Variants in STX17 observed in about 807,000 individuals in gnomAD.
STX17 encodes syntaxin 17.
Under a neutral mutation model 35.9 loss-of-function variants are expected in STX17, and 29 were observed. The observed-to-expected ratio is 0.81, with a 90% CI of 0.60 to 1.10. The LOEUF is 1.10. Among genes scored for constraint, STX17 ranks in the 50% least tolerant of loss-of-function variants. STX17 has a pLI of 0.00. For synonymous variants in STX17, 92 were observed against 118.3 expected, an observed-to-expected ratio of 0.78 and a Z score of 1.44; for missense variants, 312 against 352.3, an observed-to-expected ratio of 0.89 and a Z score of 0.92.
intron 1 of STX17, among the ~76,000 whole-genome samples, chr9:99,910,906 C>T (rs1010674344): frequency 6.6e-6 from 1 of 152,128 alleles, no homozygotes; most frequent in Non-Finnish European, 1.5e-5. Flanking sequence ...AAATGGAGGT[C>T]TCATTATATT....
intron 3 of STX17, among the ~76,000 whole-genome samples, chr9:99,932,146 GC>G (rs1829138930): frequency 6.6e-6 from 1 of 152,224 alleles, no homozygotes; most frequent in Non-Finnish European, 1.5e-5. Flanking sequence ...AGGCTTTTTA[GC>G]CCTGTACCTG....
chr9:99,950,134 A>G (rs1852863), intron 3 of STX17, among the ~76,000 whole-genome samples: 105,643 of 151,762 alleles, frequency 0.7, 37,072 homozygotes, highest in African/African-American at 0.75. Flanking sequence ...GTAAATTTAT[A>G]ACTAAGCCAG....
intron 1 of STX17, among the ~76,000 whole-genome samples, chr9:99,911,965 G>A (rs137915617): frequency 4.6e-5 from 7 of 152,282 alleles, no homozygotes; most frequent in South Asian, 2.1e-4. Flanking sequence ...CGTGGCTCAC[G>A]CCTGTAATCC....
At chr9:99,942,129 C>CCAAT in intron 3 of STX17, among the ~76,000 whole-genome samples, 1 of 152,290 alleles carries the variant, frequency 6.6e-6, no homozygotes, top group East Asian at 1.9e-4. Flanking sequence ...CTTACCAATA[C>CCAAT]CAATATTTAG....
At chr9:99,919,037 T>C (rs545004758) in intron 2 of STX17, among the ~76,000 whole-genome samples, 18 of 152,188 alleles carry the variant, frequency 1.2e-4, no homozygotes, top group Non-Finnish European at 2.5e-4. Context: ...GTGTGGTAAC[T>C]GATCCCTGCC....
intron 6 of STX17, 148 bp downstream of exon 6, chr9:99,960,303 A>G (rs1397208223): frequency 7.3e-6 from 6 of 823,416 alleles, no homozygotes; most frequent in Non-Finnish European, 1.1e-5. Flanking sequence ...AACTGTTCTC[A>G]AATTCCAGAT....
chr9:99,915,459 AT>A (rs1286829737), intron 2 of STX17, 97 bp downstream of exon 2: 2 of 1,428,578 alleles, frequency 1.4e-6, no homozygotes, highest in Non-Finnish European at 1.9e-6. Flanking sequence ...GATAAGAGGC[AT>A]TGCTGAAACA....
chr9:99,919,111 A>G (rs1015405333), intron 2 of STX17, among the ~76,000 whole-genome samples: 29 of 152,212 alleles, frequency 1.9e-4, no homozygotes, highest in African/African-American at 6.7e-4. Flanking sequence ...TGTCTTCTAT[A>G]GTATTGTCTT....
intron 1 of STX17, among the ~76,000 whole-genome samples, chr9:99,907,949 T>G (rs188782756): frequency 6.6e-5 from 10 of 152,360 alleles, no homozygotes; most frequent in Admixed American, 6.5e-4. Context: ...TTCCTGTCTT[T>G]ACACTGATAG....
intron 2 of STX17, among the ~76,000 whole-genome samples, chr9:99,924,394 T>C (rs1052110859): frequency 4.0e-5 from 6 of 151,850 alleles, no homozygotes; most frequent in African/African-American, 1.5e-4. Context: ...GACCAATGTA[T>C]ATATATTATA....
chr9:99,974,526 T>C lies in STX17; in HGVS notation c.*5853T>C, dbSNP rs1395914147. On this transcript the variant is annotated 3_prime_UTR_variant, in exon 8 of 8. Coordinates refer to ENST00000259400, the MANE Select transcript of STX17 (RefSeq NM_017919.3). ...AGGAAACATGCAATAAATTTACTTA[T>C]TTAACCAACATTTAACTGAAGGCCT... Among the ~76,000 whole-genome samples, 1 of 152,212 alleles carries C rather than the reference T, an allele frequency of 6.6e-6. No individual in the cohort carries two copies. Among genetic ancestry groups the C allele is most frequent in the Non-Finnish European group, 1.5e-5 (1 of 68,042 alleles).
At chr9:99,926,558 C>T (rs1229648817) in intron 2 of STX17, among the ~76,000 whole-genome samples, 1 of 151,310 alleles carries the variant, frequency 6.6e-6, no homozygotes, top group Non-Finnish European at 1.5e-5. Context: ...AGTGCAGTGA[C>T]ATAATCTGGG....
At position 99,951,191 on chromosome 9, in the gene STX17, A is replaced by G. The variant is rs1318778303; in HGVS notation, c.321A>G (p.Gln107=). The G allele has an allele frequency of 6.2e-7, 1 of 1,613,154 alleles. No homozygotes were observed. The highest frequency in any genetic ancestry group is 1.7e-5 in the Admixed American group (1 of 59,940). ...CAGCAGCAACAGCAGAATTTCTCCAACTCCATTTGGAATCTGTAGAAGAAC... is the reference window on the plus strand; with the variant it reads ...CAGCAGCAACAGCAGAATTTCTCCAGCTCCATTTGGAATCTGTAGAAGAAC... ...EASAATAEFL[Q]LHLESVEELK... Residue 107 remains glutamine (Q), a synonymous_variant, in exon 4 of 8, where the codon CAA becomes CAG. Transcript: ENST00000259400.
intron 4 of STX17, among the ~76,000 whole-genome samples, chr9:99,951,895 G>C (rs1829606920): frequency 6.6e-6 from 1 of 151,960 alleles, no homozygotes; most frequent in Non-Finnish European, 1.5e-5. Context: ...CTTCAAAGTA[G>C]TTGGTCTTTT....
intron 4 of STX17, among the ~76,000 whole-genome samples, chr9:99,959,278 T>C (rs1829780237): frequency 6.6e-6 from 1 of 152,068 alleles, no homozygotes; most frequent in Admixed American, 6.5e-5. Flanking sequence ...TGTCATGGCT[T>C]ACGCCTGTAA....
chr9:99,917,244 G>GTC (rs1828794765), intron 2 of STX17, among the ~76,000 whole-genome samples: 1 of 152,030 alleles, frequency 6.6e-6, no homozygotes, highest in African/African-American at 2.4e-5. Context: ...TCTCTAGGAT[G>GTC]TCTAGCTTAA....
At chr9:99,967,807 A>G (rs568433438) in intron 7 of STX17, 68 bp downstream of exon 7, 16 of 1,328,828 alleles carry the variant, frequency 1.2e-5, no homozygotes, top group African/African-American at 1.4e-5. Flanking sequence ...TATTAACCCA[A>G]TTGATCTGCT....
intron 1 of STX17, among the ~76,000 whole-genome samples, chr9:99,913,247 A>G (rs1319796997): frequency 6.6e-6 from 1 of 152,024 alleles, no homozygotes; most frequent in Non-Finnish European, 1.5e-5. Flanking sequence ...AATTATCAGT[A>G]TATTCTCTTT....
At chr9:99,932,988 C>A (rs1054995176) in intron 3 of STX17, among the ~76,000 whole-genome samples, 2 of 151,974 alleles carry the variant, frequency 1.3e-5, no homozygotes, top group Admixed American at 1.3e-4. Context: ...TTTATGGTTC[C>A]TACTTTGGCG....
Sources: allele counts gnomAD v4.1 joint callset (sites outside exome capture counted in the v4.1 genomes callset), GRCh38; gene constraint gnomAD v4.1.1; transcripts MANE v1.5; gene names NCBI Gene and HGNC (gene_info 2026-07-23, HGNC 2026-07-21).